The following DLG2 variants were observed in gnomAD, a reference collection of about 807,000 sequenced individuals.
DLG2 encodes disks large homolog 2.
DLG2 carries 45 observed loss-of-function variants against 132.5 expected under a neutral mutation model. That is an observed-to-expected ratio of 0.34 (90% CI 0.27 to 0.44). The LOEUF (loss-of-function observed/expected upper bound fraction) is 0.44, where lower values mean the gene tolerates loss of function less well. Among genes scored for constraint, DLG2 ranks in the 20% least tolerant of loss-of-function variants. The pLI is 1.00. For missense variants in DLG2, 1,045 were observed against 1,196.9 expected (o/e 0.87, Z 1.87); for synonymous variants, 424 against 419.6 (o/e 1.01, Z -0.13).
At chr11:85,430,326 C>T (rs1019080385) in intron 3 of DLG2, among the ~76,000 whole-genome samples, 1 of 150,804 alleles carries the variant, frequency 6.6e-6, no homozygotes, top group Non-Finnish European at 1.5e-5. Context: ...GCGTTGTGCA[C>T]ATGTACCCTA....
chr11:84,741,056 CTTTTTTTTTTTTTT>C (rs1163275954), intron 6 of DLG2, among the ~76,000 whole-genome samples: 877 of 79,362 alleles, frequency 0.011, 13 homozygotes, highest in Middle Eastern at 0.034. Context: ...TGCCTATGCT[CTTTTTTTTTTTTTT>C]TTTTTTTTTT....
At chr11:83,637,277 A>AT (rs2065100961) in intron 18 of DLG2, among the ~76,000 whole-genome samples, 2 of 152,088 alleles carry the variant, frequency 1.3e-5, no homozygotes, top group Admixed American at 1.3e-4. Flanking sequence ...CCTTTGGAAC[A>AT]TTTTTCAGTC....
intron 11 of DLG2, among the ~76,000 whole-genome samples, chr11:84,021,446 G>A (rs2095389842): frequency 6.6e-6 from 1 of 152,152 alleles, no homozygotes. Flanking sequence ...GACCCTGGTT[G>A]TGCTGCTGCA....
intron 6 of DLG2, among the ~76,000 whole-genome samples, chr11:85,029,698 T>C (rs149798885): frequency 1.6e-3 from 242 of 152,318 alleles, no homozygotes; most frequent in African/African-American, 5.5e-3. Context: ...TTATGAACTA[T>C]AACAAGTGGA....
At chr11:83,582,238 G>A (rs1384445124) in intron 19 of DLG2, among the ~76,000 whole-genome samples, 1 of 152,086 alleles carries the variant, frequency 6.6e-6, no homozygotes, top group South Asian at 2.1e-4. Context: ...TTATAGGCAT[G>A]AGCCACCTCC....
chr11:84,270,540 T>C (rs187281448), intron 7 of DLG2, among the ~76,000 whole-genome samples: 44 of 152,318 alleles, frequency 2.9e-4, no homozygotes, highest in Non-Finnish European at 4.7e-4. Context: ...GGAGGTTCCC[T>C]GGGGGCAGAT....
intron 3 of DLG2, among the ~76,000 whole-genome samples, chr11:85,534,216 T>C (rs2075415365): frequency 6.6e-6 from 1 of 152,184 alleles, no homozygotes; most frequent in Non-Finnish European, 1.5e-5. Flanking sequence ...CCCAAAGTGC[T>C]GACATTAAAA....
rs144366031 is a variant in DLG2 at position 84,386,527 on chromosome 11, T to C, written c.520-135236A>G. 1.2e-4 allele frequency among the ~76,000 whole-genome samples: 18 copies of C among 152,254 alleles called. No individual in the cohort carries two copies. In the East Asian group the frequency reaches 3.5e-3, roughly 29 times the overall value. ...CAGCTAAATATTTACTTCTATAATT[T>C]TAAGATTGTTGATATTTATATTTTG... On this transcript the variant is annotated intron_variant, in intron 7 of 27. Coordinates refer to ENST00000376104, the MANE Select transcript of DLG2 (RefSeq NM_001142699.3).
intron 15 of DLG2, among the ~76,000 whole-genome samples, chr11:83,921,940 C>CAATCTGGTTTTACTTCCCAGT (rs1458531603): frequency 6.6e-6 from 1 of 151,930 alleles, no homozygotes; most frequent in Non-Finnish European, 1.5e-5. Context: ...GGAGTAAAAC[C>CAATCTGGTTTTACTTCCCAGT]AATCTGGTTT....
chr11:84,644,160 G>A (rs2099671579), intron 6 of DLG2, among the ~76,000 whole-genome samples: 3 of 152,070 alleles, frequency 2.0e-5, no homozygotes, highest in Admixed American at 6.5e-5. Context: ...AGTTTTCCCG[G>A]GGGCTGAGAT....
At chr11:83,486,104 T>C (rs1018118531) in intron 21 of DLG2, 12 of 573,516 alleles carry the variant, frequency 2.1e-5, no homozygotes, top group African/African-American at 1.9e-4. Context: ...TCAATTGTAA[T>C]TTAGGGTTGG....
At chr11:84,307,817 T>C (rs1325817467) in intron 7 of DLG2, among the ~76,000 whole-genome samples, 1 of 151,650 alleles carries the variant, frequency 6.6e-6, no homozygotes, top group Non-Finnish European at 1.5e-5. Context: ...TTCTTCCTTC[T>C]GGTGGGGTTC....
intron 3 of DLG2, among the ~76,000 whole-genome samples, chr11:85,409,587 G>A (rs1220382065): frequency 2.0e-5 from 3 of 151,966 alleles, no homozygotes; most frequent in African/African-American, 7.2e-5. Context: ...TTTAGCATTT[G>A]TATTGTAGTC....
chr11:84,162,434 A>G (rs1259740802), intron 9 of DLG2, among the ~76,000 whole-genome samples: 1 of 151,814 alleles, frequency 6.6e-6, no homozygotes, highest in Non-Finnish European at 1.5e-5. Flanking sequence ...TTGCAATTAC[A>G]TATTTTTCTA....
chr11:84,680,229 C>T (rs1039174591), intron 6 of DLG2, among the ~76,000 whole-genome samples: 1 of 152,140 alleles, frequency 6.6e-6, no homozygotes, highest in African/African-American at 2.4e-5. Context: ...ATCTTCAAAG[C>T]TGTTTCTTGA....
chr11:84,198,516 T>A (rs2096551933), intron 8 of DLG2, among the ~76,000 whole-genome samples: 1 of 152,178 alleles, frequency 6.6e-6, no homozygotes, highest in South Asian at 2.1e-4. Context: ...AGGAAATAAA[T>A]ACTATTACAA....
chr11:84,534,853 A>C (rs1213718954), intron 6 of DLG2, 122 bp from the exon 7 acceptor site: 1 of 1,170,194 alleles, frequency 8.5e-7, no homozygotes, highest in Admixed American at 1.7e-5. Flanking sequence ...TGACTTCACC[A>C]AATGGGCTTT....
At chr11:85,560,681 T>C (rs1036240477) in intron 3 of DLG2, among the ~76,000 whole-genome samples, 1 of 151,894 alleles carries the variant, frequency 6.6e-6, no homozygotes, top group East Asian at 1.9e-4. Flanking sequence ...GATACACTTA[T>C]AATGGATAAA....
chr11:84,987,674 C>T (rs1337441773), intron 6 of DLG2, among the ~76,000 whole-genome samples: 1 of 152,136 alleles, frequency 6.6e-6, no homozygotes, highest in Non-Finnish European at 1.5e-5. Flanking sequence ...GGGGAAAAGA[C>T]ACCCTATTCA....
Sources: allele counts gnomAD v4.1 joint callset (sites outside exome capture counted in the v4.1 genomes callset), GRCh38; gene constraint gnomAD v4.1.1; transcripts MANE v1.5; gene names NCBI Gene and HGNC (gene_info 2026-07-23, HGNC 2026-07-21).